The following TNFRSF10B variants were observed in gnomAD, a reference collection of about 807,000 sequenced individuals.
The protein encoded by TNFRSF10B is TNF receptor superfamily member 10b.
A neutral mutation model predicts 41.4 loss-of-function variants in TNFRSF10B; 35 were observed. The observed-to-expected ratio is 0.85, with a 90% CI of 0.65 to 1.12. The LOEUF (loss-of-function observed/expected upper bound fraction) is 1.12, where lower values mean the gene tolerates loss of function less well. TNFRSF10B is among the 50% of genes most tolerant of loss of function. The probability of loss-of-function intolerance (pLI) is 0.00; values close to 1 mark genes in which losing one functional copy is unlikely to be tolerated. For synonymous variants in TNFRSF10B, 230 were observed against 215.5 expected, an observed-to-expected ratio of 1.07 and a Z score of -0.59; for missense variants, 584 against 552.7, an observed-to-expected ratio of 1.06 and a Z score of -0.57.
intron 1 of TNFRSF10B, among the ~76,000 whole-genome samples, chr8:23,051,707 G>A (rs971340522): frequency 9.9e-5 from 15 of 152,130 alleles, no homozygotes; most frequent in Middle Eastern, 3.4e-3. Context: ...ACCGCGCCTG[G>A]TTATTTTTTG....
intron 2 of TNFRSF10B, among the ~76,000 whole-genome samples, chr8:23,038,638 AC>A (rs2128814212): frequency 6.6e-6 from 1 of 152,288 alleles, no homozygotes; most frequent in South Asian, 2.1e-4. Context: ...AGTAAACACC[AC>A]TCAAGAACTT....
chr8:23,057,903 A>G (rs146245343), intron 1 of TNFRSF10B, among the ~76,000 whole-genome samples: 130 of 152,310 alleles, frequency 8.5e-4, no homozygotes, highest in African/African-American at 3.0e-3. Flanking sequence ...CTTGAATGGT[A>G]TATCTATTTT....
chr8:23,068,292 C>T (rs1585232638), intron 1 of TNFRSF10B: 1 of 184,088 alleles, frequency 5.4e-6, no homozygotes, highest in East Asian at 1.6e-4. Flanking sequence ...AGGTTCAAAG[C>T]GATCTGCAAT....
Position 23,021,005 on chromosome 8 carries a change from TG to T in TNFRSF10B, c.*1665del, listed in dbSNP as rs1811501357. 4.4e-6 allele frequency: 2 copies of T among 453,984 alleles called. No individual in the cohort carries two copies. The highest frequency in any genetic ancestry group is 8.8e-6 in the Non-Finnish European group (2 of 226,798). The allele number at this position is 453,984 out of a possible 1,614,324, so 28.1% of individuals were successfully genotyped here. On this transcript the variant is annotated 3_prime_UTR_variant, in exon 9 of 9. Coordinates refer to ENST00000276431, the MANE Select transcript of TNFRSF10B (RefSeq NM_003842.5). The stretch of plus-strand genomic sequence containing the variant: ...CTCCACAGACACAACAGTCTGAATG[TG>T]TGATCTTCAGGCAATTCTAACTTTG...
At chr8:23,053,945 T>C (rs1812592365) in intron 1 of TNFRSF10B, among the ~76,000 whole-genome samples, 1 of 152,202 alleles carries the variant, frequency 6.6e-6, no homozygotes, top group African/African-American at 2.4e-5. Context: ...ATGTTATCAT[T>C]AATAATTATA....
chr8:23,049,260 G>A (rs754397188), intron 1 of TNFRSF10B, among the ~76,000 whole-genome samples: 85 of 152,190 alleles, frequency 5.6e-4, no homozygotes, highest in Non-Finnish European at 5.1e-4. Context: ...TATAAAGGCT[G>A]GGATGTAACA....
chr8:23,058,203 C>T (rs1363876502), intron 1 of TNFRSF10B, among the ~76,000 whole-genome samples: 1 of 152,026 alleles, frequency 6.6e-6, no homozygotes. Flanking sequence ...GCTGACATCT[C>T]GCCACTGCAC....
At position 23,027,244 on chromosome 8, in the gene TNFRSF10B, G is replaced by A. The variant is rs141284481; in HGVS notation, c.825C>T (p.Ile275=). 7.6e-5 allele frequency: 123 copies of A among 1,614,112 alleles called. 1 individual carries two copies. Among genetic ancestry groups the A allele is most frequent in the Middle Eastern group, 6.6e-4 (4 of 6,060 alleles). Reference sequence around the variant, plus strand: ...CCTGGGTGGGCTGCAAGATACTCACGATCTCATTGAGGACATTGTCCTCAG... The same window carrying A: ...CCTGGGTGGGCTGCAAGATACTCACAATCTCATTGAGGACATTGTCCTCAG... ...PGAEDNVLNE[I]VSILQPTQVP... The change falls in exon 7 of 9, where the codon ATC becomes ATT. Residue 275 remains isoleucine, a synonymous_variant. Transcript: ENST00000276431.
At chr8:23,034,611 T>C (rs1043523859) in intron 2 of TNFRSF10B, among the ~76,000 whole-genome samples, 2 of 152,126 alleles carry the variant, frequency 1.3e-5, no homozygotes, top group African/African-American at 4.8e-5. Context: ...CCTGTAGTCT[T>C]AGCTGCTCAA....
At chr8:23,050,148 A>G (rs1812484568) in intron 1 of TNFRSF10B, among the ~76,000 whole-genome samples, 1 of 152,234 alleles carries the variant, frequency 6.6e-6, no homozygotes, top group Non-Finnish European at 1.5e-5. Context: ...TGGTTAAGCC[A>G]TTTATCCGGT....
chr8:23,037,019 G>T (rs958307865), intron 2 of TNFRSF10B, among the ~76,000 whole-genome samples: 2 of 152,204 alleles, frequency 1.3e-5, no homozygotes, highest in African/African-American at 4.8e-5. Context: ...GAAGTCTGGG[G>T]AAGAGGTGTG....
intron 1 of TNFRSF10B, among the ~76,000 whole-genome samples, chr8:23,047,084 A>G (rs192684184): frequency 2.6e-5 from 4 of 152,346 alleles, no homozygotes; most frequent in Admixed American, 2.0e-4. Context: ...AGTGCAAAAA[A>G]CAAAAGCAAA....
At chr8:23,064,340 A>G (rs1245693588) in intron 1 of TNFRSF10B, among the ~76,000 whole-genome samples, 1 of 152,244 alleles carries the variant, frequency 6.6e-6, no homozygotes, top group Non-Finnish European at 1.5e-5. Context: ...TGATTACAAA[A>G]TGTAGGAGAG....
At chr8:23,035,622 T>TAC (rs1409914676) in intron 2 of TNFRSF10B, among the ~76,000 whole-genome samples, 2 of 152,356 alleles carry the variant, frequency 1.3e-5, no homozygotes, top group Admixed American at 6.5e-5. Context: ...AAGGGCCTTT[T>TAC]ACCTCAGTAG....
At position 23,027,218 on chromosome 8, in the gene TNFRSF10B, A is replaced by G. The variant is rs759539959; in HGVS notation, c.851T>C (p.Val284Ala). ...EIVSILQPTQ[V>A]PEQEMEVQEP... is the part of the protein sequence containing the mutation. ...CTGGACTTCCATTTCCTGCTCAGGG[A>G]CCTGGGTGGGCTGCAAGATACTCAC... The change falls in exon 7 of 9, where the codon GTC (valine) becomes GCC (alanine). Residue 284 changes from valine to alanine, a missense_variant. Physicochemically the swap from Val to Ala is moderately conservative, Grantham distance 64. Coordinates refer to ENST00000276431, the MANE Select transcript of TNFRSF10B (RefSeq NM_003842.5). The G allele has an allele frequency of 6.2e-7, 1 of 1,613,986 alleles. No homozygotes were observed. Among genetic ancestry groups the G allele is most frequent in the East Asian group, 2.2e-5 (1 of 44,900 alleles).
chr8:23,049,253 A>G (rs1483259041), intron 1 of TNFRSF10B, among the ~76,000 whole-genome samples: 3 of 152,224 alleles, frequency 2.0e-5, no homozygotes, highest in Admixed American at 6.5e-5. Context: ...GCCCTTATAT[A>G]AAGGCTGGGA....
At chr8:23,043,061 G>A in intron 2 of TNFRSF10B, 77 bp downstream of exon 2, 1 of 1,373,492 alleles carries the variant, frequency 7.3e-7, no homozygotes, top group Non-Finnish European at 1.0e-6. Flanking sequence ...GAACAAGGAA[G>A]TGCAAAGGAA....
At chr8:23,042,520 T>A (rs1199254778) in intron 2 of TNFRSF10B, among the ~76,000 whole-genome samples, 2 of 151,844 alleles carry the variant, frequency 1.3e-5, no homozygotes, top group African/African-American at 4.8e-5. Flanking sequence ...CCACATAACA[T>A]CCCAGGGGAG....
At chr8:23,042,288 G>A (rs1812224435) in intron 2 of TNFRSF10B, among the ~76,000 whole-genome samples, 1 of 152,214 alleles carries the variant, frequency 6.6e-6, no homozygotes, top group African/African-American at 2.4e-5. Flanking sequence ...AGCCTTTCCT[G>A]TGGCCCTTAG....
Sources: gnomAD v4.1 joint callset for allele counts (sites outside exome capture counted in the v4.1 genomes callset) on GRCh38, gnomAD v4.1.1 for gene constraint, MANE v1.5 for transcripts, NCBI Gene and HGNC (gene_info 2026-07-23, HGNC 2026-07-21) for gene names.